Variants in ATE1 observed in about 807,000 individuals in gnomAD.
The protein encoded by ATE1 is arginyl-tRNA--protein transferase 1.
In ATE1, 36 loss-of-function variants were observed where a neutral mutation model predicts 70.5. The ratio of observed to expected loss-of-function variants is 0.51; its 90% CI spans 0.39 to 0.67. The LOEUF (loss-of-function observed/expected upper bound fraction) is 0.67, where lower values mean the gene tolerates loss of function less well. Ranked by LOEUF, ATE1 falls within the 30% of genes least tolerant of loss-of-function variation. The pLI is 0.00. For synonymous variants in ATE1, 232 were observed against 219.3 expected, an observed-to-expected ratio of 1.06 and a Z score of -0.51; for missense variants, 593 against 629.5, an observed-to-expected ratio of 0.94 and a Z score of 0.62.
At chr10:121,814,132 T>C (rs940735589) in intron 10 of ATE1, among the ~76,000 whole-genome samples, 3 of 152,002 alleles carry the variant, frequency 2.0e-5, no homozygotes, top group Non-Finnish European at 4.4e-5. Flanking sequence ...CAATCGTAAA[T>C]CATACATACA....
intron 11 of ATE1, chr10:121,782,767 A>G (rs1262988528): frequency 6.6e-6 from 1 of 152,236 alleles, no homozygotes; most frequent in African/African-American, 2.4e-5. Flanking sequence ...CTGGGTCGGC[A>G]CAATCTAATC....
At chr10:121,857,891 A>G (rs1949306290) in intron 8 of ATE1, among the ~76,000 whole-genome samples, 1 of 152,182 alleles carries the variant, frequency 6.6e-6, no homozygotes, top group African/African-American at 2.4e-5. Flanking sequence ...TTCACTTTCT[A>G]GCTGTAGCCA....
At chr10:121,783,260 T>C (rs1178636940) in intron 11 of ATE1, among the ~76,000 whole-genome samples, 1 of 152,192 alleles carries the variant, frequency 6.6e-6, no homozygotes, top group Admixed American at 6.5e-5. Context: ...TCTTATTTTT[T>C]AGATAAAATA....
chr10:121,852,310 G>A (rs1195682777), intron 8 of ATE1, among the ~76,000 whole-genome samples: 3 of 152,196 alleles, frequency 2.0e-5, no homozygotes, highest in African/African-American at 7.2e-5. Flanking sequence ...GTAAATAACA[G>A]TTAATGGAGG....
chr10:121,927,464 T>C (rs1952142299), intron 1 of ATE1: 1 of 985,142 alleles, frequency 1.0e-6, no homozygotes, highest in Admixed American at 6.2e-5. Context: ...GCACCGCGTT[T>C]CGCCCTCGCT....
At chr10:121,820,551 C>A (rs1008692788) in intron 10 of ATE1, among the ~76,000 whole-genome samples, 2 of 152,236 alleles carry the variant, frequency 1.3e-5, no homozygotes, top group East Asian at 3.9e-4. Context: ...TAAAGAGGTC[C>A]TCATGGTTTG....
chr10:121,891,887 AC>A, intron 7 of ATE1, among the ~76,000 whole-genome samples: 1 of 152,202 alleles, frequency 6.6e-6, no homozygotes, highest in South Asian at 2.1e-4. Context: ...TATTAACAAA[AC>A]TACACCACAG....
intron 7 of ATE1, chr10:121,898,939 G>A: frequency 6.2e-7 from 1 of 1,613,744 alleles, no homozygotes; most frequent in Non-Finnish European, 8.5e-7. Context: ...TTGAACTCTG[G>A]GTCCTCAAAG....
chr10:121,899,984 A>G lies in ATE1; in HGVS notation c.824T>C (p.Val275Ala). 6.2e-7 allele frequency: 1 copy of G among 1,612,360 alleles called. No individual in the cohort carries two copies. The highest frequency in any genetic ancestry group is 8.5e-7 in the Non-Finnish European group (1 of 1,178,830). ...NASHKLEVRV[V>A]RSSPPSSQFK... is the part of the protein sequence containing the mutation. ...CTGCGAACTTGGTGGAGATGATCTCACCACCCTCACCTTCAGAAGCAGTTA... is the reference window on the plus strand; with the variant it reads ...CTGCGAACTTGGTGGAGATGATCTCGCCACCCTCACCTTCAGAAGCAGTTA... The change falls in exon 7 of 12, where the codon GTG becomes GCG. Residue 275 changes from valine (V) to alanine (A), a missense_variant. Transcript: ENST00000224652.
chr10:121,889,031 T>C (rs185248185), intron 7 of ATE1, among the ~76,000 whole-genome samples: 12 of 152,292 alleles, frequency 7.9e-5, no homozygotes, highest in Non-Finnish European at 1.5e-4. Flanking sequence ...ATTTATTTTT[T>C]TGAGACAGAG....
chr10:121,818,534 G>A (rs1328346764), intron 10 of ATE1, among the ~76,000 whole-genome samples: 1 of 152,174 alleles, frequency 6.6e-6, no homozygotes, highest in African/African-American at 2.4e-5. Flanking sequence ...GGCATCAAGA[G>A]CAGGCCGCAT....
chr10:121,918,768 C>G (rs1375500201), intron 3 of ATE1, among the ~76,000 whole-genome samples: 1 of 150,668 alleles, frequency 6.6e-6, no homozygotes, highest in African/African-American at 2.5e-5. Flanking sequence ...TTTTTCTCAT[C>G]CTCTGCCAAT....
chr10:121,808,792 TA>T (rs1321215955), intron 10 of ATE1, among the ~76,000 whole-genome samples: 1 of 152,256 alleles, frequency 6.6e-6, no homozygotes, highest in Non-Finnish European at 1.5e-5. Context: ...CCTTTTCATG[TA>T]ACTGTGAGTA....
At chr10:121,865,152 T>C (rs1949618694) in intron 8 of ATE1, among the ~76,000 whole-genome samples, 1 of 152,228 alleles carries the variant, frequency 6.6e-6, no homozygotes, top group Non-Finnish European at 1.5e-5. Flanking sequence ...CTCTCTGGGT[T>C]CAATTTTCTT....
intron 11 of ATE1, among the ~76,000 whole-genome samples, chr10:121,749,229 GGTAAGATTT>G (rs1369094785): frequency 6.6e-6 from 1 of 151,968 alleles, no homozygotes; most frequent in Non-Finnish European, 1.5e-5. Flanking sequence ...TCAGTACTCA[GGTAAGATTT>G]TATCTAATTC....
At chr10:121,814,291 G>A (rs1947447859) in intron 10 of ATE1, among the ~76,000 whole-genome samples, 1 of 152,156 alleles carries the variant, frequency 6.6e-6, no homozygotes, top group South Asian at 2.1e-4. Context: ...AAGGGATCAG[G>A]AAGAAAAGGG....
At chr10:121,795,769 T>C (rs1306813161) in intron 10 of ATE1, among the ~76,000 whole-genome samples, 1 of 152,234 alleles carries the variant, frequency 6.6e-6, no homozygotes, top group East Asian at 1.9e-4. Flanking sequence ...ATGACCAAAG[T>C]GCTTAAAGCT....
intron 6 of ATE1, 99 bp from the exon 7 acceptor site, chr10:121,900,093 C>A: frequency 1.6e-6 from 2 of 1,276,078 alleles, no homozygotes; most frequent in Admixed American, 2.5e-5. Context: ...AACCAAGTTT[C>A]AACAATTATT....
intron 7 of ATE1, among the ~76,000 whole-genome samples, chr10:121,881,623 A>G (rs1950226457): frequency 6.6e-6 from 1 of 151,210 alleles, no homozygotes; most frequent in African/African-American, 2.4e-5. Flanking sequence ...ACTTACAAAT[A>G]ACCAACTGCA....
Sources: gnomAD v4.1 joint callset for allele counts (sites outside exome capture counted in the v4.1 genomes callset) on GRCh38, gnomAD v4.1.1 for gene constraint, MANE v1.5 for transcripts, NCBI Gene and HGNC (gene_info 2026-07-23, HGNC 2026-07-21) for gene names.